CNKSR2: variants seen among roughly 807,000 people sequenced by gnomAD.
The protein encoded by CNKSR2 is CNK homolog protein 2.
CNKSR2 carries 14 observed loss-of-function variants against 84.4 expected under a neutral mutation model. The ratio of observed to expected loss-of-function variants is 0.17; its 90% confidence interval spans 0.11 to 0.26. The LOEUF (loss-of-function observed/expected upper bound fraction) is 0.26, where lower values mean the gene tolerates loss of function less well. Ranked by LOEUF, CNKSR2 falls within the 10% of genes least tolerant of loss-of-function variation. The pLI is 1.00. For missense variants in CNKSR2, 485 were observed against 771.2 expected, an observed-to-expected ratio of 0.63 and a Z score of 4.40; for synonymous variants, 275 against 277.9, an observed-to-expected ratio of 0.99 and a Z score of 0.10.
chrX:21,590,433 T>G, intron 13 of CNKSR2, 139 bp from the exon 14 acceptor site: 1 of 435,746 alleles, frequency 2.3e-6, no homozygotes, highest in Non-Finnish European at 3.8e-6. Flanking sequence ...GAATTTGTTT[T>G]GAGGCTTTGT....
At chrX:21,436,013 T>C (rs913425643) in intron 3 of CNKSR2, among the ~76,000 whole-genome samples, 16 of 111,777 alleles carry the variant, frequency 1.4e-4, no homozygotes, top group East Asian at 8.4e-4. Flanking sequence ...TTTTGTCTTA[T>C]GTAAGAAAAT....
intron 13 of CNKSR2, among the ~76,000 whole-genome samples, chrX:21,566,787 C>T (rs1349565536): frequency 9.0e-6 from 1 of 111,587 alleles, no homozygotes; most frequent in Non-Finnish European, 1.9e-5. Flanking sequence ...ATAGTCTTCA[C>T]TGTTCTGTTG....
rs1218038021 is a variant in CNKSR2 at position 21,605,303 on chromosome X, G to A, written c.2045-1476G>A. ...AAACTTGGTATACTGGCTGTCACTG[G>A]CATGAACCAATGGAAAAAAAACAGA... is the stretch of plus-strand genomic sequence containing the variant. On this transcript the variant is annotated intron_variant, in intron 18 of 21. Coordinates refer to ENST00000379510, the MANE Select transcript of CNKSR2 (RefSeq NM_014927.5). Among the ~76,000 whole-genome samples, 3 of 111,886 alleles carry A rather than the reference G, an allele frequency of 2.7e-5. 1 individual carries two copies. Among genetic ancestry groups the A allele is most frequent in the Non-Finnish European group, 5.6e-5 (3 of 53,203 alleles).
At chrX:21,598,207 T>C (rs2092461014) in intron 17 of CNKSR2, among the ~76,000 whole-genome samples, 1 of 111,217 alleles carries the variant, frequency 9.0e-6, no homozygotes, top group African/African-American at 3.3e-5. Flanking sequence ...ACTGAAACAT[T>C]AAAAACTGAT....
At chrX:21,545,944 A>G (rs1305405338) in intron 11 of CNKSR2, among the ~76,000 whole-genome samples, 1 of 112,121 alleles carries the variant, frequency 8.9e-6, no homozygotes, top group Admixed American at 9.4e-5. Flanking sequence ...AGATCAAAAT[A>G]GATAAATCCA....
At chrX:21,529,597 A>G (rs2147119459) in intron 10 of CNKSR2, among the ~76,000 whole-genome samples, 1 of 110,862 alleles carries the variant, frequency 9.0e-6, no homozygotes, top group African/African-American at 3.3e-5. Context: ...TTACAATATT[A>G]AGAAAGGTGT....
chrX:21,400,005 C>T (rs1045328880), intron 1 of CNKSR2, among the ~76,000 whole-genome samples: 4 of 110,550 alleles, frequency 3.6e-5, no homozygotes, highest in Non-Finnish European at 7.6e-5. Context: ...CATTCTAGTT[C>T]AGTGTTGGCT....
chrX:21,508,582 A>G (rs2091638496), intron 8 of CNKSR2, among the ~76,000 whole-genome samples: 1 of 112,229 alleles, frequency 8.9e-6, no homozygotes, highest in South Asian at 3.7e-4. Context: ...TCTGTAGCAT[A>G]TATGAATGAA....
At chrX:21,408,596 C>CCTCCA (rs994015086) in intron 1 of CNKSR2, among the ~76,000 whole-genome samples, 3 of 111,083 alleles carry the variant, frequency 2.7e-5, no homozygotes, top group South Asian at 3.8e-4. Context: ...CCTCCCCCAA[C>CCTCCA]CTCCACTCCA....
intron 4 of CNKSR2, among the ~76,000 whole-genome samples, chrX:21,467,167 A>T (rs1484182657): frequency 9.0e-6 from 1 of 111,187 alleles, no homozygotes; most frequent in Non-Finnish European, 1.9e-5. Flanking sequence ...TAATTTTGGG[A>T]TAGCTTTGGT....
In CNKSR2 at chrX:21,490,434, A is replaced by G. The variant is rs769345460; in HGVS notation, c.562-25A>G. 21 of 1,185,537 alleles carry G rather than the reference A, an allele frequency of 1.8e-5. No homozygotes were observed. In the African/African-American group the frequency reaches 3.2e-4, roughly 18 times the overall value. ...TTACTTACAACACGTATTTACCACA[A>G]CTATTTTTGTTTTTGTGCTTCCAGT... On this transcript the variant is annotated intron_variant, in intron 5 of 21. Coordinates refer to ENST00000379510, the MANE Select transcript of CNKSR2 (RefSeq NM_014927.5).
At chrX:21,392,847 G>T (rs1288539929) in intron 1 of CNKSR2, among the ~76,000 whole-genome samples, 2 of 111,300 alleles carry the variant, frequency 1.8e-5, no homozygotes. Flanking sequence ...GTTATGAGGG[G>T]TTGTAATTTA....
intron 1 of CNKSR2, among the ~76,000 whole-genome samples, chrX:21,391,031 C>G (rs1223538944): frequency 8.9e-6 from 1 of 112,639 alleles, no homozygotes; most frequent in Non-Finnish European, 1.9e-5. Flanking sequence ...CTCCATGTCT[C>G]ACATCCAGGC....
intron 11 of CNKSR2, among the ~76,000 whole-genome samples, chrX:21,544,288 CA>C (rs893840320): frequency 9.0e-6 from 1 of 111,328 alleles, no homozygotes; most frequent in African/African-American, 3.3e-5. Flanking sequence ...AATAACACTG[CA>C]AACTGCCCTC....
Position 21,609,590 on chromosome X carries a change from G to A in CNKSR2, c.2665G>A (p.Ala889Thr). Residue 889 changes from alanine to threonine, a missense_variant, in exon 20 of 22, where the codon GCA becomes ACA. By Grantham distance (58) the Ala-to-Thr change is moderately conservative (BLOSUM62 0). Around this residue, in one of 5 missense-constraint regions of CNKSR2, gnomAD observed 210 missense variants for 291.5 expected, o/e 0.72. Transcript: ENST00000379510. The part of the protein sequence containing the change: ...EEEEEEEEGE[A>T]AGENIGEKSE... ...GGAGGAGGAGGAGGAGGAAGGGGAGGCAGCAGGGGAAAACATAGGAGAAAA... is the reference window on the plus strand; with the variant it reads ...GGAGGAGGAGGAGGAGGAAGGGGAGACAGCAGGGGAAAACATAGGAGAAAA... 8.3e-7 allele frequency: 1 copy of A among 1,205,769 alleles called. No homozygotes were observed. Among genetic ancestry groups the A allele is most frequent in the Non-Finnish European group, 1.1e-6 (1 of 893,509 alleles).
chrX:21,645,284 A>G (rs2092703682), intron 20 of CNKSR2: 1 of 112,015 alleles, frequency 8.9e-6, no homozygotes, highest in Non-Finnish European at 1.9e-5. Context: ...TCCATCAATC[A>G]ATGAAATTTT....
chrX:21,512,695 A>G (rs970877202), intron 8 of CNKSR2, among the ~76,000 whole-genome samples: 6 of 111,683 alleles, frequency 5.4e-5, no homozygotes, highest in African/African-American at 1.9e-4. Context: ...TAGATTAAAA[A>G]GAGGAGAAAA....
chrX:21,386,327 A>G (rs1201027327), intron 1 of CNKSR2, among the ~76,000 whole-genome samples: 1 of 111,922 alleles, frequency 8.9e-6, no homozygotes, highest in Non-Finnish European at 1.9e-5. Context: ...GTTTGGAGAC[A>G]TTTATCATAG....
intron 20 of CNKSR2, among the ~76,000 whole-genome samples, chrX:21,624,004 A>C (rs185369866): frequency 9.0e-6 from 1 of 111,608 alleles, no homozygotes; most frequent in Admixed American, 9.5e-5. Context: ...CATCAATAAT[A>C]TTTCCACTGG....
Sources: gnomAD v4.1 joint callset for allele counts (sites outside exome capture counted in the v4.1 genomes callset) on GRCh38, gnomAD v4.1.1 for gene constraint, gnomAD v4.1.1 regional missense constraint, MANE v1.5 for transcripts, NCBI Gene and HGNC (gene_info 2026-07-23, HGNC 2026-07-21) for gene names.